KPNA4: variants seen among roughly 807,000 people sequenced by gnomAD.
KPNA4 encodes karyopherin subunit alpha 4.
In KPNA4, 13 loss-of-function variants were observed where a neutral mutation model predicts 71.3. The ratio of observed to expected loss-of-function variants is 0.18; its 90% confidence interval spans 0.12 to 0.29. The LOEUF is 0.29. Ranked by LOEUF, KPNA4 falls within the 10% of genes least tolerant of loss-of-function variation. The pLI is 1.00. For missense variants in KPNA4, 334 were observed against 603.2 expected (o/e 0.55, Z 4.67); for synonymous variants, 189 against 195.2 (o/e 0.97, Z 0.26).
intron 13 of KPNA4, among the ~76,000 whole-genome samples, chr3:160,513,348 C>T (rs529860298): frequency 6.6e-5 from 10 of 150,964 alleles, no homozygotes; most frequent in Non-Finnish European, 1.2e-4. Context: ...CTCAACCTCC[C>T]GGATTCAAAT....
chr3:160,535,840 C>G lies in KPNA4; in HGVS notation c.172G>C (p.Glu58Gln). 2 of 1,213,958 alleles carry G rather than the reference C, an allele frequency of 1.6e-6. No individual in the cohort carries two copies. The highest frequency in any genetic ancestry group is 7.1e-5 in the Admixed American group (2 of 28,028). 75.2% of individuals were successfully genotyped at this position (1,213,958 alleles called of 1,614,324 possible). A position where few individuals can be genotyped will look rare whatever the true frequency, so the allele number is the denominator to read the frequency against. ...RRNVPHEDICEDSDIDGDYRV... is the reference protein window; with the variant it reads ...RRNVPHEDICQDSDIDGDYRV... ...TAATCACCATCTATATCAGAGTCTT[C>G]ACAGATATCTTCATGTGGTACATTC... The change falls in exon 3 of 17, where the codon GAA becomes CAA. Residue 58 changes from glutamate (E) to glutamine (Q), a missense_variant. Glu to Gln is a conservative substitution (Grantham distance 29). Transcript: ENST00000334256.
intron 1 of KPNA4, among the ~76,000 whole-genome samples, chr3:160,540,392 C>T (rs1454575393): frequency 6.6e-6 from 1 of 152,140 alleles, no homozygotes; most frequent in Non-Finnish European, 1.5e-5. Flanking sequence ...ATTTATCAAA[C>T]CAACTTAGCA....
At chr3:160,555,220 G>A (rs1213784540) in intron 1 of KPNA4, among the ~76,000 whole-genome samples, 1 of 152,248 alleles carries the variant, frequency 6.6e-6, no homozygotes, top group Non-Finnish European at 1.5e-5. Flanking sequence ...TGTGTTGAGT[G>A]ACTGTATGAA....
intron 8 of KPNA4, among the ~76,000 whole-genome samples, chr3:160,526,462 G>A (rs992684488): frequency 6.6e-6 from 1 of 152,190 alleles, no homozygotes; most frequent in Non-Finnish European, 1.5e-5. Context: ...TCCCGTATCA[G>A]AGCATCAAGG....
intron 1 of KPNA4, among the ~76,000 whole-genome samples, chr3:160,557,792 A>G (rs535429228): frequency 1.3e-5 from 2 of 152,282 alleles, no homozygotes; most frequent in East Asian, 3.9e-4. Flanking sequence ...CTCCTGCCTC[A>G]GCCTCCTAAA....
chr3:160,539,910 GTTTT>G (rs1385195695), intron 1 of KPNA4, among the ~76,000 whole-genome samples: 4 of 150,196 alleles, frequency 2.7e-5, no homozygotes, highest in Admixed American at 2.7e-4. Flanking sequence ...TTACATAAAT[GTTTT>G]GTTTACTCCA....
At chr3:160,540,245 C>T (rs922308264) in intron 1 of KPNA4, among the ~76,000 whole-genome samples, 4 of 151,960 alleles carry the variant, frequency 2.6e-5, no homozygotes, top group Admixed American at 6.6e-5. Context: ...ATGATCCACC[C>T]GCCTCGGCCT....
At chr3:160,536,946 G>A (rs1721705026) in intron 1 of KPNA4, 106 bp from the exon 2 acceptor site, 3 of 535,542 alleles carry the variant, frequency 5.6e-6, no homozygotes, top group Middle Eastern at 3.7e-4. Context: ...TTTTCTTTTA[G>A]CCATATGGAT....
chr3:160,535,128 A>G (rs918951666), intron 5 of KPNA4, among the ~76,000 whole-genome samples: 5 of 152,198 alleles, frequency 3.3e-5, no homozygotes, highest in African/African-American at 9.6e-5. Flanking sequence ...AAGAATTAAG[A>G]TACCTGGTAA....
At chr3:160,514,894 A>G (rs1390762902) in intron 12 of KPNA4, 2 of 507,154 alleles carry the variant, frequency 3.9e-6, no homozygotes, top group Non-Finnish European at 7.9e-6. Flanking sequence ...TAGCTAATGT[A>G]TACTAGGCTC....
intron 11 of KPNA4, 66 bp from the exon 12 acceptor site, chr3:160,515,646 G>A (rs1488050473): frequency 6.4e-7 from 1 of 1,556,922 alleles, no homozygotes; most frequent in African/African-American, 1.4e-5. Flanking sequence ...ACAAGGTCTT[G>A]CTCTGTCGCC....
At chr3:160,556,235 T>C (rs897775087) in intron 1 of KPNA4, among the ~76,000 whole-genome samples, 3 of 152,224 alleles carry the variant, frequency 2.0e-5, no homozygotes, top group Non-Finnish European at 2.9e-5. Flanking sequence ...TGGATTTATA[T>C]CTAATTAGTA....
chr3:160,529,977 T>C (rs1356143248), intron 7 of KPNA4, among the ~76,000 whole-genome samples: 1 of 146,828 alleles, frequency 6.8e-6, no homozygotes, highest in African/African-American at 2.5e-5. Flanking sequence ...CTACTAAAAA[T>C]ACAAAAAACT....
chr3:160,555,857 G>A (rs1441026788), intron 1 of KPNA4, among the ~76,000 whole-genome samples: 2 of 151,976 alleles, frequency 1.3e-5, no homozygotes, highest in East Asian at 1.9e-4. Flanking sequence ...TTGAGAAGGA[G>A]TTTTGCTTTT....
At chr3:160,556,655 T>C (rs1442632391) in intron 1 of KPNA4, among the ~76,000 whole-genome samples, 1 of 152,216 alleles carries the variant, frequency 6.6e-6, no homozygotes, top group Non-Finnish European at 1.5e-5. Context: ...CCAATGAGTG[T>C]TTCCTTTAAG....
intron 1 of KPNA4, among the ~76,000 whole-genome samples, chr3:160,556,113 C>T (rs1311578421): frequency 1.3e-5 from 2 of 152,238 alleles, no homozygotes; most frequent in Non-Finnish European, 2.9e-5. Flanking sequence ...GGATTACAGG[C>T]GTGAGCCACT....
chr3:160,515,047 T>G (rs753583570), intron 12 of KPNA4: 1 of 519,272 alleles, frequency 1.9e-6, no homozygotes, highest in East Asian at 5.4e-5. Flanking sequence ...CAGCCTCAGA[T>G]GCACTCCAAT....
chr3:160,501,696 A>G lies in KPNA4; in HGVS notation c.*408T>C, dbSNP rs1368889539. On this transcript the variant is annotated 3_prime_UTR_variant, in exon 17 of 17. Transcript: ENST00000334256. The stretch of plus-strand genomic sequence containing the variant: ...TCATTTTCCTTTGACTTATATGGGC[A>G]GCCTATTCTCTTTTATGCTTACAAG... 3 of 152,648 alleles carry G rather than the reference A, an allele frequency of 2.0e-5. No homozygotes were observed. The highest frequency in any genetic ancestry group is 7.2e-5 in the African/African-American group (3 of 41,430). The allele number at this position is 152,648 out of a possible 1,614,324, so 9.5% of individuals were successfully genotyped here.
chr3:160,505,177 A>G, intron 15 of KPNA4, 125 bp from the exon 16 acceptor site: 1 of 430,632 alleles, frequency 2.3e-6, no homozygotes, highest in East Asian at 3.8e-5. Flanking sequence ...ATTTTTGGGA[A>G]TTTAAAGGTG....
Sources: allele counts gnomAD v4.1 joint callset (sites outside exome capture counted in the v4.1 genomes callset), GRCh38; gene constraint gnomAD v4.1.1; transcripts MANE v1.5; gene names NCBI Gene and HGNC (gene_info 2026-07-23, HGNC 2026-07-21).